RPH3A: variants seen among roughly 807,000 people sequenced by gnomAD.
RPH3A encodes the protein rabphilin 3A.
RPH3A carries 48 observed loss-of-function variants against 102.2 expected under a neutral mutation model. The ratio of observed to expected loss-of-function variants is 0.47; its 90% CI spans 0.37 to 0.60. RPH3A has a LOEUF of 0.60. Among genes scored for constraint, RPH3A ranks in the 20% least tolerant of loss-of-function variants. RPH3A has a pLI of 0.00. For synonymous variants in RPH3A, 310 were observed against 324.3 expected (o/e 0.96, Z 0.47); for missense variants, 781 against 910.1 (o/e 0.86, Z 1.83).
rs77390083 is a variant in RPH3A, at chr12:112,741,171, A to G, written c.-139-50972A>G. On this transcript the variant is annotated intron_variant, in intron 1 of 21. Coordinates refer to the RPH3A transcript ENST00000543106. Reference sequence around the variant, plus strand: ...GAAGGCTTGAAAATGGCTGAGCTGGACAATGGCTCAAAACAAAACAGAAAA... The same window carrying G: ...GAAGGCTTGAAAATGGCTGAGCTGGGCAATGGCTCAAAACAAAACAGAAAA... 8.3e-3 allele frequency among the ~76,000 whole-genome samples: 1,269 copies of G among 152,292 alleles called. 15 individuals carry two copies. Among genetic ancestry groups the G allele is most frequent in the African/African-American group, 0.028 (1,179 of 41,560 alleles).
intron 16 of RPH3A, among the ~76,000 whole-genome samples, chr12:112,885,240 A>T (rs1158049991): frequency 6.6e-6 from 1 of 152,196 alleles, no homozygotes; most frequent in Non-Finnish European, 1.5e-5. Flanking sequence ...AAGTGTAATG[A>T]TTGAGCCATA....
intron 1 of RPH3A, among the ~76,000 whole-genome samples, chr12:112,655,816 G>T (rs780925987): frequency 2.0e-5 from 3 of 151,768 alleles, no homozygotes; most frequent in African/African-American, 7.3e-5. Context: ...CAGGTGATCC[G>T]CCAGCCTCAG....
intron 15 of RPH3A, among the ~76,000 whole-genome samples, chr12:112,882,130 G>A (rs866631870): frequency 1.3e-5 from 2 of 152,062 alleles, no homozygotes; most frequent in East Asian, 3.9e-4. Flanking sequence ...TCATCTGCTC[G>A]AACACCTTCA....
At chr12:112,865,745 C>G (rs147696017) in intron 6 of RPH3A, among the ~76,000 whole-genome samples, 1 of 149,136 alleles carries the variant, frequency 6.7e-6, no homozygotes, top group Non-Finnish European at 1.5e-5. Flanking sequence ...TCCCTGGAAG[C>G]CACTCTGAGC....
intron 2 of RPH3A, among the ~76,000 whole-genome samples, chr12:112,800,478 T>G (rs2041322405): frequency 1.3e-5 from 2 of 152,220 alleles, no homozygotes; most frequent in African/African-American, 4.8e-5. Flanking sequence ...CCAAGGAGTC[T>G]GGGTTCGATT....
chr12:112,590,741 A>T (rs1368165273), intron 1 of RPH3A, among the ~76,000 whole-genome samples: 4 of 152,238 alleles, frequency 2.6e-5, no homozygotes, highest in Non-Finnish European at 5.9e-5. Flanking sequence ...CCAGATTTCC[A>T]CTTCTCTTAA....
Position 112,826,951 on chromosome 12 carries a change from A to G in RPH3A, c.-18-1350A>G, listed in dbSNP as rs139965325. ...TTTTTTCTTGGGTGTATACCTGAGCATATTTCTCAGGTATATACCTGAGTA... is the reference window on the plus strand; with the variant it reads ...TTTTTTCTTGGGTGTATACCTGAGCGTATTTCTCAGGTATATACCTGAGTA... On this transcript the variant is annotated intron_variant, in intron 2 of 21. Transcript: ENST00000389385. 1.3e-5 allele frequency among the ~76,000 whole-genome samples: 2 copies of G among 152,258 alleles called. 1 individual carries two copies. The highest frequency in any genetic ancestry group is 2.9e-5 in the Non-Finnish European group (2 of 68,026).
chr12:112,589,019 G>C (rs1261042720), intron 1 of RPH3A, among the ~76,000 whole-genome samples: 1 of 152,126 alleles, frequency 6.6e-6, no homozygotes, highest in Non-Finnish European at 1.5e-5. Context: ...TGGGGGAAGG[G>C]GGGAGAGTGT....
intron 2 of RPH3A, among the ~76,000 whole-genome samples, chr12:112,797,546 A>G (rs1714903264): frequency 6.6e-6 from 1 of 152,096 alleles, no homozygotes. Context: ...CTAACCTCAG[A>G]CAATTCCAAG....
chr12:112,836,690 TA>T (rs899342917), intron 4 of RPH3A, among the ~76,000 whole-genome samples, 188 bp downstream of exon 4: 10 of 149,434 alleles, frequency 6.7e-5, no homozygotes, highest in East Asian at 1.9e-4. Flanking sequence ...TTTATAAAAT[TA>T]AAAAAAAAAC....
chr12:112,697,939 G>A (rs574200972), intron 1 of RPH3A, among the ~76,000 whole-genome samples: 20 of 152,120 alleles, frequency 1.3e-4, no homozygotes, highest in African/African-American at 4.6e-4. Flanking sequence ...TTATATGGAA[G>A]TGAGAAGGAC....
chr12:112,620,488 A>C (rs758697391), intron 1 of RPH3A, among the ~76,000 whole-genome samples: 1 of 152,118 alleles, frequency 6.6e-6, no homozygotes, highest in Non-Finnish European at 1.5e-5. Flanking sequence ...GAGTCCTTCC[A>C]TCCTTCTCCA....
At chr12:112,789,755 A>G (rs1014967180), upstream of RPH3A, among the ~76,000 whole-genome samples, 8 of 151,618 alleles carry the variant, frequency 5.3e-5, no homozygotes, top group Non-Finnish European at 1.5e-5. Flanking sequence ...CACCATCACT[A>G]TAATCATCAC....
At chr12:112,891,315 C>T (rs1417624443) in intron 19 of RPH3A, 11 of 312,246 alleles carry the variant, frequency 3.5e-5, no homozygotes, top group East Asian at 3.4e-4. Context: ...AGGAGTTGGC[C>T]GCACACCCCT....
intron 1 of RPH3A, among the ~76,000 whole-genome samples, chr12:112,647,869 A>G (rs968146099): frequency 2.6e-5 from 4 of 152,218 alleles, no homozygotes; most frequent in African/African-American, 9.6e-5. Flanking sequence ...AATGAAAGTC[A>G]AATGCTTTGA....
At position 112,896,798 on chromosome 12, in the gene RPH3A, C is replaced by T; in HGVS notation, c.*18C>T. ...GTGATTAGGCTAGTGCCCAGGTCCCCATCTCCATGTCCCGGGTCCCCCCCA... is the reference window on the plus strand; with the variant it reads ...GTGATTAGGCTAGTGCCCAGGTCCCTATCTCCATGTCCCGGGTCCCCCCCA... On this transcript the variant is annotated 3_prime_UTR_variant, in exon 22 of 22. Transcript: ENST00000389385. 6.2e-7 allele frequency: 1 copy of T among 1,613,370 alleles called. No homozygotes were observed. Among genetic ancestry groups the T allele is most frequent in the Non-Finnish European group, 8.5e-7 (1 of 1,179,720 alleles).
intron 13 of RPH3A, among the ~76,000 whole-genome samples, chr12:112,877,425 C>CACACACACACACACACACACACACGTAT (rs2042825473): frequency 2.1e-5 from 3 of 143,142 alleles, no homozygotes; most frequent in African/African-American, 7.8e-5. Context: ...CGTATACACA[C>CACACACACACACACACACACACACGTAT]ACACACACAC....
At chr12:112,881,661 A>C (rs2042915023) in intron 14 of RPH3A, 111 bp from the exon 15 acceptor site, 1 of 650,964 alleles carries the variant, frequency 1.5e-6, no homozygotes, top group South Asian at 2.4e-5. Flanking sequence ...GAGGAAGCAC[A>C]CAGCGTGGAC....
chr12:112,641,641 G>A lies in RPH3A; in HGVS notation c.-140+66322G>A, dbSNP rs112051256. 4.6e-3 allele frequency among the ~76,000 whole-genome samples: 707 copies of A among 152,186 alleles called. 6 individuals carry two copies. Among genetic ancestry groups the A allele is most frequent in the African/African-American group, 0.016 (664 of 41,518 alleles). On this transcript the variant is annotated intron_variant, in intron 1 of 21. Coordinates refer to the RPH3A transcript ENST00000543106. ...CAAACTCCTGACCTCCAAGTGATCC[G>A]TCCACCTCGGCCTCCCAAAGTGCTG...
Sources: gnomAD v4.1 joint callset for allele counts (sites outside exome capture counted in the v4.1 genomes callset) on GRCh38, gnomAD v4.1.1 for gene constraint, MANE v1.5 for transcripts, NCBI Gene and HGNC (gene_info 2026-07-23, HGNC 2026-07-21) for gene names.